The following LOXL2 variants were observed in gnomAD, a reference collection of about 807,000 sequenced individuals.
The protein encoded by LOXL2 is lysyl oxidase like 2, also known as lysyl oxidase homolog 2.
Under a neutral mutation model 93.0 loss-of-function variants are expected in LOXL2, and 70 were observed. The ratio of observed to expected loss-of-function variants is 0.75; its 90% confidence interval spans 0.62 to 0.92. The LOEUF is 0.92. Ranked by LOEUF, LOXL2 falls within the 40% of genes least tolerant of loss-of-function variation. The pLI is 0.00. For missense variants in LOXL2, 973 were observed against 1,054.9 expected (o/e 0.92, Z 1.08); for synonymous variants, 438 against 413.2 (o/e 1.06, Z -0.73).
intron 2 of LOXL2, among the ~76,000 whole-genome samples, chr8:23,360,494 A>C (rs547003298): frequency 1.3e-5 from 2 of 152,210 alleles, no homozygotes; most frequent in Non-Finnish European, 2.9e-5. Context: ...ATTTAACATG[A>C]TTAGGATAGA....
At chr8:23,378,731 A>G (rs1377166783) in intron 1 of LOXL2, among the ~76,000 whole-genome samples, 2 of 152,072 alleles carry the variant, frequency 1.3e-5, no homozygotes, top group Non-Finnish European at 2.9e-5. Context: ...GTTGATCGAA[A>G]CGGCTACTGA....
In LOXL2 at chr8:23,333,320, C is replaced by T. The variant is rs552537712; in HGVS notation, c.966+81G>A. The T allele has an allele frequency of 2.6e-5, 35 of 1,327,930 alleles. No homozygotes were observed. The African/African-American group carries it at 4.9e-4, about 18-fold the overall frequency. The allele number at this position is 1,327,930 out of a possible 1,614,324, so 82.3% of individuals were successfully genotyped here. On this transcript the variant is annotated intron_variant, in intron 5 of 13. Transcript: ENST00000389131. The stretch of plus-strand genomic sequence containing the variant: ...GCTGAGGCCACCCTTCCTCACTCTC[C>T]TGGGGGATCCTGCCTACTCCCTCAA...
At chr8:23,307,209 G>A (rs777642285) in intron 10 of LOXL2, among the ~76,000 whole-genome samples, 6 of 152,128 alleles carry the variant, frequency 3.9e-5, no homozygotes, top group Non-Finnish European at 7.3e-5. Context: ...GCTTCCAAAA[G>A]GAACCCAACA....
intron 3 of LOXL2, among the ~76,000 whole-genome samples, chr8:23,347,011 A>G (rs1050906508): frequency 6.6e-6 from 1 of 152,124 alleles, no homozygotes; most frequent in Non-Finnish European, 1.5e-5. Context: ...CAGCTTTCTT[A>G]CTTTGGCTAT....
At chr8:23,352,060 C>G (rs201648463) in intron 3 of LOXL2, among the ~76,000 whole-genome samples, 18 of 151,308 alleles carry the variant, frequency 1.2e-4, no homozygotes, top group East Asian at 3.9e-4. Flanking sequence ...TGATCCCCCC[C>G]ACCTTGGCCT....
At chr8:23,337,961 G>T (rs1001439248) in intron 4 of LOXL2, among the ~76,000 whole-genome samples, 1 of 152,164 alleles carries the variant, frequency 6.6e-6, no homozygotes, top group African/African-American at 2.4e-5. Context: ...TGCTAATAAA[G>T]ACATACCCGA....
chr8:23,299,267 G>C (rs1457520918), intron 12 of LOXL2, among the ~76,000 whole-genome samples: 1 of 152,194 alleles, frequency 6.6e-6, no homozygotes, highest in East Asian at 1.9e-4. Context: ...TTGGGGTCTG[G>C]GGAGGCCCCA....
At chr8:23,348,789 A>G (rs1026454998) in intron 3 of LOXL2, among the ~76,000 whole-genome samples, 1 of 152,046 alleles carries the variant, frequency 6.6e-6, no homozygotes, top group Non-Finnish European at 1.5e-5. Flanking sequence ...AGGCAGGAGA[A>G]TGGCATGAAC....
chr8:23,343,722 C>T (rs1430297196), intron 3 of LOXL2, among the ~76,000 whole-genome samples: 1 of 152,162 alleles, frequency 6.6e-6, no homozygotes, highest in Non-Finnish European at 1.5e-5. Flanking sequence ...CTGCCAGGGG[C>T]AGGATTATGC....
chr8:23,351,769 T>C (rs1804097071), intron 3 of LOXL2, among the ~76,000 whole-genome samples: 1 of 152,216 alleles, frequency 6.6e-6, no homozygotes, highest in African/African-American at 2.4e-5. Flanking sequence ...GTGTCCCTTT[T>C]GGTAGCTGGC....
intron 6 of LOXL2, among the ~76,000 whole-genome samples, chr8:23,327,374 A>T (rs1229030893): frequency 1.3e-5 from 2 of 152,160 alleles, no homozygotes; most frequent in East Asian, 3.9e-4. Flanking sequence ...CATTTCTTCC[A>T]GGCTGTGATC....
At chr8:23,374,507 T>A (rs563494702) in intron 1 of LOXL2, among the ~76,000 whole-genome samples, 247 of 152,296 alleles carry the variant, frequency 1.6e-3, no homozygotes, top group African/African-American at 5.7e-3. Flanking sequence ...TAGTTCTAGA[T>A]CCTTGAGGAA....
At chr8:23,315,711 TA>T (rs1382233424) in intron 9 of LOXL2, among the ~76,000 whole-genome samples, 3 of 152,218 alleles carry the variant, frequency 2.0e-5, no homozygotes, top group African/African-American at 7.2e-5. Flanking sequence ...CTACTCATAA[TA>T]AATGCATAGA....
chr8:23,302,184 A>T (rs1002768001), intron 11 of LOXL2, 21 bp from the exon 12 acceptor site: 5 of 1,612,340 alleles, frequency 3.1e-6, no homozygotes, highest in Non-Finnish European at 3.4e-6. Context: ...GGTAGAGGAG[A>T]GCTCATCACC....
At chr8:23,365,447 T>C (rs183111185) in intron 2 of LOXL2, 1 of 152,014 alleles carries the variant, frequency 6.6e-6, no homozygotes, top group Admixed American at 6.6e-5. Context: ...TAAAAAGGTC[T>C]CTCATGTCAT....
chr8:23,360,074 A>C lies in LOXL2; in HGVS notation c.531+16T>G. 1 of 1,587,976 alleles carries C rather than the reference A, an allele frequency of 6.3e-7. No individual in the cohort carries two copies. Among genetic ancestry groups the C allele is most frequent in the Non-Finnish European group, 8.6e-7 (1 of 1,158,400 alleles). Reference sequence around the variant, plus strand: ...AAATGTTTGCATGAAGGAAACATCAAGAGCACATGACTTGCCTCTATCTGG... The same window carrying C: ...AAATGTTTGCATGAAGGAAACATCACGAGCACATGACTTGCCTCTATCTGG... On this transcript the variant is annotated intron_variant, in intron 3 of 13. Coordinates refer to ENST00000389131, the MANE Select transcript of LOXL2 (RefSeq NM_002318.3).
chr8:23,368,115 C>G lies in LOXL2; in HGVS notation c.237G>C (p.Gln79His), dbSNP rs757164515. The G allele has an allele frequency of 6.2e-7, 1 of 1,614,156 alleles. No homozygotes were observed. The highest frequency in any genetic ancestry group is 8.5e-7 in the Non-Finnish European group (1 of 1,180,046). The change falls in exon 2 of 14, where the codon CAG becomes CAC. Residue 79 changes from glutamine (Q) to histidine (H), a missense_variant. Transcript: ENST00000389131. ...EGRVEVYYDG[Q>H]WGTVCDDDFS... ...AGTCGTCATCGCACACGGTGCCCCACTGGCCATCATAGTACACCTCCACCC... is the reference window on the plus strand; with the variant it reads ...AGTCGTCATCGCACACGGTGCCCCAGTGGCCATCATAGTACACCTCCACCC...
chr8:23,334,317 G>A (rs1226844784), intron 4 of LOXL2, among the ~76,000 whole-genome samples: 3 of 152,238 alleles, frequency 2.0e-5, no homozygotes, highest in Non-Finnish European at 4.4e-5. Context: ...GGGATTATAG[G>A]CATGGGCCAC....
At chr8:23,325,462 A>T (rs574569413) in intron 6 of LOXL2, among the ~76,000 whole-genome samples, 24 of 152,152 alleles carry the variant, frequency 1.6e-4, no homozygotes, top group Middle Eastern at 6.8e-3. Context: ...GCTAATTTTT[A>T]AAAAAATTTT....
Sources: gnomAD v4.1 joint callset for allele counts (sites outside exome capture counted in the v4.1 genomes callset) on GRCh38, gnomAD v4.1.1 for gene constraint, MANE v1.5 for transcripts, NCBI Gene and HGNC (gene_info 2026-07-23, HGNC 2026-07-21) for gene names.